The following GALNTL6 variants were observed in gnomAD, a reference collection of about 807,000 sequenced individuals.
GALNTL6 encodes the protein polypeptide N-acetylgalactosaminyltransferase-like 6.
Under a neutral mutation model 73.7 loss-of-function variants are expected in GALNTL6, and 46 were observed. The ratio of observed to expected loss-of-function variants is 0.62; its 90% CI spans 0.49 to 0.80. The LOEUF (loss-of-function observed/expected upper bound fraction) is 0.80, where lower values mean the gene tolerates loss of function less well. Ranked by LOEUF, GALNTL6 falls within the 30% of genes least tolerant of loss-of-function variation. GALNTL6 has a pLI of 0.00. For synonymous variants in GALNTL6, 259 were observed against 263.7 expected, an observed-to-expected ratio of 0.98 and a Z score of 0.17; for missense variants, 604 against 755.0, an observed-to-expected ratio of 0.80 and a Z score of 2.34.
intron 2 of GALNTL6, among the ~76,000 whole-genome samples, chr4:172,174,345 C>T (rs1332328439): frequency 6.6e-6 from 1 of 152,138 alleles, no homozygotes; most frequent in Non-Finnish European, 1.5e-5. Context: ...CTGAAATGGG[C>T]CTGCCTTAGT....
intron 2 of GALNTL6, among the ~76,000 whole-genome samples, chr4:172,218,107 C>T (rs1736552227): frequency 6.6e-6 from 1 of 152,048 alleles, no homozygotes; most frequent in Non-Finnish European, 1.5e-5. Context: ...AAATCTTAGT[C>T]TTTTAGTGGG....
intron 2 of GALNTL6, among the ~76,000 whole-genome samples, chr4:172,077,560 A>C (rs1436121455): frequency 1.3e-5 from 2 of 152,186 alleles, no homozygotes; most frequent in African/African-American, 2.4e-5. Flanking sequence ...TAAGCAGCAA[A>C]GCATTCAAGA....
At chr4:171,927,320 G>A (rs1738015719) in intron 2 of GALNTL6, among the ~76,000 whole-genome samples, 3 of 152,016 alleles carry the variant, frequency 2.0e-5, no homozygotes, top group Non-Finnish European at 4.4e-5. Context: ...AGAAGAGTCA[G>A]CTTGCTACAT....
rs115606939 is a variant in GALNTL6 at position 172,477,797 on chromosome 4, A to G, written c.553+129108A>G. Among the ~76,000 whole-genome samples, 1,123 of 152,300 alleles carry G rather than the reference A, an allele frequency of 7.4e-3. 17 individuals are homozygous for G. The highest frequency in any genetic ancestry group is 0.025 in the African/African-American group (1,055 of 41,558). On this transcript the variant is annotated intron_variant, in intron 5 of 12. Coordinates refer to ENST00000506823, the MANE Select transcript of GALNTL6 (RefSeq NM_001034845.3). ...AAAATCAGATACATACTGAGGAGGA[A>G]ACACAATTGACTCTTTAACGCTGTA...
intron 5 of GALNTL6, among the ~76,000 whole-genome samples, chr4:172,699,302 C>A (rs751232818): frequency 6.6e-6 from 1 of 152,080 alleles, no homozygotes; most frequent in Non-Finnish European, 1.5e-5. Context: ...TGTTTCATAC[C>A]TCAGCCAAAA....
At chr4:172,347,367 T>C (rs1243839412) in intron 4 of GALNTL6, among the ~76,000 whole-genome samples, 1 of 152,196 alleles carries the variant, frequency 6.6e-6, no homozygotes, top group African/African-American at 2.4e-5. Context: ...TACAATAGCT[T>C]GTCCTAATGT....
At chr4:172,493,188 G>A (rs1031810223) in intron 5 of GALNTL6, among the ~76,000 whole-genome samples, 1 of 151,966 alleles carries the variant, frequency 6.6e-6, no homozygotes, top group Non-Finnish European at 1.5e-5. Flanking sequence ...TTTCCAAAAA[G>A]AAAAATCAAG....
chr4:172,967,322 T>G (rs963385205), intron 10 of GALNTL6, among the ~76,000 whole-genome samples: 5 of 152,226 alleles, frequency 3.3e-5, no homozygotes, highest in African/African-American at 1.2e-4. Context: ...AAGGATGGCC[T>G]ATTGTTTAGG....
At chr4:172,361,561 A>G (rs1742371290) in intron 5 of GALNTL6, among the ~76,000 whole-genome samples, 1 of 152,180 alleles carries the variant, frequency 6.6e-6, no homozygotes, top group African/African-American at 2.4e-5. Flanking sequence ...CTTAGCCTAA[A>G]AATCGAACCC....
chr4:172,525,790 A>G (rs1474525318), intron 5 of GALNTL6, among the ~76,000 whole-genome samples: 1 of 152,082 alleles, frequency 6.6e-6, no homozygotes. Flanking sequence ...TTAAGCCCAG[A>G]AGTTCAAGGC....
chr4:172,021,092 C>T (rs966437793), intron 2 of GALNTL6, among the ~76,000 whole-genome samples: 26 of 151,948 alleles, frequency 1.7e-4, no homozygotes, highest in South Asian at 2.1e-4. Context: ...TGATAAAATT[C>T]GGCATCCCTT....
chr4:172,193,160 A>C (rs551664472), intron 2 of GALNTL6, among the ~76,000 whole-genome samples: 1 of 152,320 alleles, frequency 6.6e-6, no homozygotes, highest in East Asian at 1.9e-4. Context: ...CCTCTCTGCC[A>C]ATGGGCAGCC....
At chr4:172,711,022 A>G (rs1489159401) in intron 5 of GALNTL6, among the ~76,000 whole-genome samples, 2 of 152,108 alleles carry the variant, frequency 1.3e-5, no homozygotes, top group Non-Finnish European at 2.9e-5. Flanking sequence ...CCTGCAACCT[A>G]GAGAGAGAGC....
At position 172,314,755 on chromosome 4, in the gene GALNTL6, C is replaced by T. The variant is rs140969921; in HGVS notation, c.386+3003C>T. Among the ~76,000 whole-genome samples the T allele has an allele frequency of 2.4e-3, 370 of 151,618 alleles. 3 individuals are homozygous for T. The East Asian group carries it at 0.03, about 12-fold the overall frequency. On this transcript the variant is annotated intron_variant, in intron 4 of 12. Coordinates refer to ENST00000506823, the MANE Select transcript of GALNTL6 (RefSeq NM_001034845.3). Reference sequence around the variant, plus strand: ...CCCGAGTAGCTGAGATTACAGGCACCTGCCACCAAGCCTGGCTAAATTTTT... The same window carrying T: ...CCCGAGTAGCTGAGATTACAGGCACTTGCCACCAAGCCTGGCTAAATTTTT...
intron 5 of GALNTL6, among the ~76,000 whole-genome samples, chr4:172,485,112 T>A (rs1733621925): frequency 6.6e-6 from 1 of 152,142 alleles, no homozygotes; most frequent in Non-Finnish European, 1.5e-5. Flanking sequence ...GGGGCACATA[T>A]GCAAATGGAG....
chr4:172,799,302 A>C (rs186988647), intron 5 of GALNTL6, among the ~76,000 whole-genome samples: 22 of 152,330 alleles, frequency 1.4e-4, no homozygotes, highest in Middle Eastern at 3.4e-3. Flanking sequence ...CAAACAAGCT[A>C]TTCTTGACTA....
intron 2 of GALNTL6, among the ~76,000 whole-genome samples, chr4:172,202,759 A>G (rs1461463336): frequency 6.6e-6 from 1 of 152,212 alleles, no homozygotes; most frequent in Non-Finnish European, 1.5e-5. Context: ...GTAATGAATT[A>G]TTATGAAACA....
At chr4:172,118,458 G>T (rs1733046793) in intron 2 of GALNTL6, among the ~76,000 whole-genome samples, 2 of 152,130 alleles carry the variant, frequency 1.3e-5, no homozygotes, top group African/African-American at 4.8e-5. Context: ...CCAGCATTTG[G>T]GGAGGCCAAG....
chr4:171,837,576 ATAT>A (rs1462726287), intron 2 of GALNTL6, among the ~76,000 whole-genome samples: 1 of 147,308 alleles, frequency 6.8e-6, no homozygotes, highest in Non-Finnish European at 1.5e-5. Flanking sequence ...TTATATATTA[ATAT>A]TATAGATATT....
Sources: gnomAD v4.1 joint callset for allele counts (sites outside exome capture counted in the v4.1 genomes callset) on GRCh38, gnomAD v4.1.1 for gene constraint, MANE v1.5 for transcripts, NCBI Gene and HGNC (gene_info 2026-07-23, HGNC 2026-07-21) for gene names.